JADE2: variants seen among roughly 807,000 people sequenced by gnomAD.
JADE2 encodes E3 ubiquitin-protein ligase Jade-2.
In JADE2, 13 loss-of-function variants were observed where a neutral mutation model predicts 85.7. That is an observed-to-expected ratio of 0.15 (90% CI 0.10 to 0.24). The LOEUF is 0.24. JADE2 is among the 10% of genes least tolerant of loss of function. The probability of loss-of-function intolerance (pLI) is 1.00; values close to 1 mark genes in which losing one functional copy is unlikely to be tolerated. For synonymous variants in JADE2, 440 were observed against 456.1 expected (o/e 0.96, Z 0.45); for missense variants, 846 against 1,115.9 (o/e 0.76, Z 3.45).
intron 3 of JADE2, among the ~76,000 whole-genome samples, chr5:134,551,538 T>C (rs1762591922): frequency 6.6e-6 from 1 of 151,202 alleles, no homozygotes; most frequent in Non-Finnish European, 1.5e-5. Context: ...CCTTTTTTTT[T>C]TTTTTAATTT....
At position 134,580,830 on chromosome 5, in the gene JADE2, G is replaced by A. The variant is rs969900471; in HGVS notation, c.*1513G>A. ...CCCAAGGAGAAGAGCTCAAGCGCTT[G>A]GAAGAGGATGCTTTGCTGCTGCTGA... On this transcript the variant is annotated 3_prime_UTR_variant, in exon 12 of 12. Transcript: ENST00000681547. The A allele has an allele frequency of 1.3e-5, 2 of 152,630 alleles. No individual in the cohort carries two copies. Among genetic ancestry groups the A allele is most frequent in the African/African-American group, 4.8e-5 (2 of 41,434 alleles). The allele number at this position is 152,630 out of a possible 1,614,324, so 9.5% of individuals were successfully genotyped here. A position where few individuals can be genotyped will look rare whatever the true frequency, so the allele number is the denominator to read the frequency against.
intron 1 of JADE2, among the ~76,000 whole-genome samples, chr5:134,529,762 A>G (rs329124): frequency 0.46 from 70,315 of 152,128 alleles, 16,539 homozygotes; most frequent in Admixed American, 0.52. Context: ...AGGTGCCAAT[A>G]GGCAGCCGAT....
At chr5:134,541,588 A>G (rs1441019370) in intron 3 of JADE2, among the ~76,000 whole-genome samples, 2 of 152,156 alleles carry the variant, frequency 1.3e-5, no homozygotes, top group African/African-American at 4.8e-5. Flanking sequence ...GTGTGGCAGG[A>G]GTCCCCAGTG....
chr5:134,527,664 C>T (rs1258174691), intron 1 of JADE2, among the ~76,000 whole-genome samples: 1 of 150,148 alleles, frequency 6.7e-6, no homozygotes. Context: ...CCGGCTCCGG[C>T]GGTCGGAATC....
rs1561755857 is a variant in JADE2 at position 134,566,138 on chromosome 5, C to G, written c.992C>G (p.Thr331Arg). Residue 331 changes from threonine to arginine, a missense_variant, in exon 9 of 12, where the codon ACA becomes AGA. Transcript: ENST00000681547. This position sits in a 1 kb window ranked among gnomAD's most constrained non-coding sequence, Gnocchi z 6.7. ...CAGTGTTCCATGCCTTCCTGCGTCA[C>G]AGCGTTCCATGTCACATGCGCCTTT... ...CIQCSMPSCV[T>R]AFHVTCAFDH... is the part of the protein sequence containing the mutation. 1 of 1,613,804 alleles carries G rather than the reference C, an allele frequency of 6.2e-7. No individual in the cohort carries two copies. Among genetic ancestry groups the G allele is most frequent in the Non-Finnish European group, 8.5e-7 (1 of 1,179,788 alleles).
intron 8 of JADE2, among the ~76,000 whole-genome samples, chr5:134,565,203 G>C (rs1370789911): frequency 1.3e-5 from 2 of 152,188 alleles, no homozygotes; most frequent in Admixed American, 6.5e-5. Context: ...GGGAGTGCAG[G>C]GGGGAGTCAT....
chr5:134,548,791 C>G (rs985902859), intron 3 of JADE2, among the ~76,000 whole-genome samples: 43 of 152,186 alleles, frequency 2.8e-4, no homozygotes, highest in Admixed American at 2.8e-3. Flanking sequence ...TGGTCTCACC[C>G]ACTCCAGCCT....
Position 134,578,942 on chromosome 5 carries a change from C to A in JADE2, c.2130C>A (p.Ile710=), listed in dbSNP as rs781291729. 6.2e-7 allele frequency: 1 copy of A among 1,613,398 alleles called. No homozygotes were observed. ...GCCCTGCAGCCGGGGACTGTCCCAT[C>A]CTAGCCACCCCTGAAAGCCCCCCGC... The part of the protein sequence containing the change: ...PSSPAAGDCP[I]LATPESPPPL... Residue 710 remains isoleucine (I), a synonymous_variant, in exon 12 of 12, where the codon ATC becomes ATA. Coordinates refer to ENST00000681547, the MANE Select transcript of JADE2 (RefSeq NM_001388185.1). This position sits in a 1 kb window ranked among gnomAD's most constrained non-coding sequence, Gnocchi z 4.4.
In JADE2 at chr5:134,560,885, G is replaced by T; in HGVS notation, c.612G>T (p.Val204=). Residue 204 remains valine (V), a synonymous_variant, in exon 6 of 12, where the codon GTG becomes GTT. Coordinates refer to ENST00000681547, the MANE Select transcript of JADE2 (RefSeq NM_001388185.1). The stretch of plus-strand genomic sequence containing the variant: ...ACGACGAGGATGTTGTCTGCGACGT[G>T]TGTCGCTCTCCTGAGGGCGAGGATG... ...IEYDEDVVCD[V]CRSPEGEDGN... is the part of the protein sequence containing the mutation. 1 of 1,614,210 alleles carries T rather than the reference G, an allele frequency of 6.2e-7. No homozygotes were observed. Among genetic ancestry groups the T allele is most frequent in the Non-Finnish European group, 8.5e-7 (1 of 1,180,034 alleles).
intron 4 of JADE2, among the ~76,000 whole-genome samples, chr5:134,557,198 GTTA>G (rs981966986): frequency 5.3e-5 from 8 of 150,358 alleles, no homozygotes; most frequent in African/African-American, 2.0e-4. Flanking sequence ...TATTATTGTT[GTTA>G]TTATGATGAT....
chr5:134,533,996 C>T (rs1761425169), intron 1 of JADE2, among the ~76,000 whole-genome samples: 1 of 152,072 alleles, frequency 6.6e-6, no homozygotes, highest in Admixed American at 6.5e-5. Context: ...TCCTCCAGCC[C>T]CGGCCTCCCA....
chr5:134,526,778 A>C (rs995219097), intron 1 of JADE2: 570 of 984,980 alleles, frequency 5.8e-4, no homozygotes, highest in Non-Finnish European at 6.5e-4. Context: ...GAGGGTGCGG[A>C]GCCTCGGCGC....
At chr5:134,568,031 G>T (rs918320783) in intron 9 of JADE2, among the ~76,000 whole-genome samples, 1 of 152,182 alleles carries the variant, frequency 6.6e-6, no homozygotes, top group Non-Finnish European at 1.5e-5. Flanking sequence ...GTCTCCACCC[G>T]CTGGATCTCC....
intron 1 of JADE2, chr5:134,526,530 C>T: frequency 3.0e-6 from 3 of 985,312 alleles, no homozygotes; most frequent in African/African-American, 1.7e-5. Context: ...GCAGCACGTC[C>T]GGGCGCCGAA....
intron 4 of JADE2, among the ~76,000 whole-genome samples, chr5:134,559,197 G>A (rs563076710): frequency 1.3e-5 from 2 of 152,204 alleles, no homozygotes; most frequent in Non-Finnish European, 2.9e-5. Flanking sequence ...ACCCTGGGCC[G>A]CAGCCGTGTA....
chr5:134,572,424 G>A (rs911036310), intron 9 of JADE2, among the ~76,000 whole-genome samples: 5 of 152,232 alleles, frequency 3.3e-5, no homozygotes, highest in Admixed American at 3.3e-4. Flanking sequence ...GTACGCAGAA[G>A]AGAGGTCTGA....
In JADE2 at chr5:134,562,943, C is replaced by T. The variant is rs183435384; in HGVS notation, c.852+576C>T. ...TCAGGAGATAGGGATGAGGTCTGGA[C>T]AGAAGTCAGGCAGCTGACTAGAGGG... On this transcript the variant is annotated intron_variant, in intron 7 of 11. Coordinates refer to ENST00000681547, the MANE Select transcript of JADE2 (RefSeq NM_001388185.1). The surrounding 1 kb of genome is among the most constrained non-coding windows in gnomAD (Gnocchi z 4.6). Among the ~76,000 whole-genome samples, 48 of 152,238 alleles carry T rather than the reference C, an allele frequency of 3.2e-4. No individual in the cohort carries two copies. The Middle Eastern group carries it at 0.014, about 43-fold the overall frequency.
rs760044373 is a variant in JADE2 at position 134,552,008 on chromosome 5, C to T, written c.154-44C>T. 3 of 1,599,848 alleles carry T rather than the reference C, an allele frequency of 1.9e-6. No individual in the cohort carries two copies. The East Asian group carries it at 6.7e-5, about 36-fold the overall frequency. ...CCTCTGGCCTGTGGGGCAGACTGCCCTGAGGCAGTCTGAAGTCACTCTTTC... is the reference window on the plus strand; with the variant it reads ...CCTCTGGCCTGTGGGGCAGACTGCCTTGAGGCAGTCTGAAGTCACTCTTTC... On this transcript the variant is annotated intron_variant, in intron 3 of 11. Transcript: ENST00000681547.
intron 1 of JADE2, chr5:134,533,679 G>T (rs1166554007): frequency 2.0e-6 from 1 of 495,890 alleles, no homozygotes. Context: ...AGCTGAGGAA[G>T]ACGTAGGCTA....
Sources: gnomAD v4.1 joint callset for allele counts (sites outside exome capture counted in the v4.1 genomes callset) on GRCh38, gnomAD v4.1.1 for gene constraint, Gnocchi (gnomAD v3.1) non-coding constraint, MANE v1.5 for transcripts, NCBI Gene and HGNC (gene_info 2026-07-23, HGNC 2026-07-21) for gene names.